Variants in NAGPA observed in about 807,000 individuals in gnomAD.
The protein encoded by NAGPA is alpha-N-acetylglucosaminyl phosphodiesterase.
NAGPA carries 56 observed loss-of-function variants against 48.5 expected under a neutral mutation model. The ratio of observed to expected loss-of-function variants is 1.15; its 90% CI spans 0.93 to 1.44. The LOEUF (loss-of-function observed/expected upper bound fraction) is 1.44. Among genes scored for constraint, NAGPA ranks in the 40% most tolerant of loss-of-function variants. NAGPA has a pLI of 0.00. For synonymous variants in NAGPA, 399 were observed against 315.5 expected (o/e 1.26, Z -2.81); for missense variants, 888 against 735.0 (o/e 1.21, Z -2.41).
At chr16:5,029,433 C>T (rs763784915) in intron 4 of NAGPA, 1 of 289,016 alleles carries the variant, frequency 3.5e-6, no homozygotes, top group Non-Finnish European at 6.8e-6. Context: ...TGGCGGCCAG[C>T]AGGGAAACCA....
At position 5,033,610 on chromosome 16, in the gene NAGPA, CGGGAGGCGG is replaced by C. The variant is rs765705653; in HGVS notation, c.196_204del (p.Pro66_Pro68del). 2 of 1,504,764 alleles carry C rather than the reference CGGGAGGCGG, an allele frequency of 1.3e-6. No homozygotes were observed. Among genetic ancestry groups the C allele is most frequent in the Admixed American group, 2.3e-5 (1 of 44,002 alleles). The allele number at this position is 1,504,764 out of a possible 1,614,324, so 93.2% of individuals were successfully genotyped here. ...GCCAGACCGCCGGCGCCGGGAGTCG[CGGGAGGCGG>C]AGGCCAACTCTCGTGCTCGCGGTTG... On this transcript the variant is annotated inframe_deletion, in exon 2 of 10. Coordinates refer to ENST00000312251, the MANE Select transcript of NAGPA (RefSeq NM_016256.4). This position sits in a 1 kb window ranked among gnomAD's most constrained non-coding sequence, Gnocchi z 4.2.
At position 5,028,125 on chromosome 16, in the gene NAGPA, G is replaced by T; in HGVS notation, c.981C>A (p.Pro327=). Residue 327 remains proline (P), a synonymous_variant, in exon 6 of 10, where the codon CCC becomes CCA. Transcript: ENST00000312251. ...CGTGGCAGTCAGGCGGCTGGCAGCGGGGTTCGTGCACACACACCACGGTGG... is the reference window on the plus strand; with the variant it reads ...CGTGGCAGTCAGGCGGCTGGCAGCGTGGTTCGTGCACACACACCACGGTGG... ...QVSTVVCVHE[P]RCQPPDCHGH... The T allele has an allele frequency of 6.2e-7, 1 of 1,602,940 alleles. No homozygotes were observed.
At chr16:5,027,955 C>T (rs559557768) in intron 6 of NAGPA, 25 bp downstream of exon 6, 47 of 1,613,746 alleles carry the variant, frequency 2.9e-5, no homozygotes, top group Middle Eastern at 1.7e-4. Context: ...CTGGGCAGAG[C>T]CCCCTCCCCA....
In NAGPA at chr16:5,025,650, A is replaced by G. The variant is rs375029008; in HGVS notation, c.1376T>C (p.Phe459Ser). The G allele has an allele frequency of 6.2e-6, 10 of 1,613,268 alleles. No homozygotes were observed. In the African/African-American group the frequency reaches 1.3e-4, roughly 22 times the overall value. ...TGCTGCAGTGCTGATCAGCAGGAGG[A>G]AGGCCAGCGCCAGGGTGAGGGCTAG... ...AWLALTLALAFLLLISTAANL... is the reference protein window; with the variant it reads ...AWLALTLALASLLLISTAANL... The change falls in exon 10 of 10, where the codon TTC (phenylalanine) becomes TCC (serine). Residue 459 changes from phenylalanine to serine, a missense_variant. Physicochemically the swap from Phe to Ser is radical, Grantham distance 155. Coordinates refer to ENST00000312251, the MANE Select transcript of NAGPA (RefSeq NM_016256.4).
chr16:5,028,038 G>A lies in NAGPA; in HGVS notation c.1068C>T (p.Gly356=). The change falls in exon 6 of 10, where the codon GGC becomes GGT. Residue 356 remains glycine (G), a synonymous_variant. Transcript: ENST00000312251. ...QCTGHFWRGP[G]CDELDCGPSN... is the part of the protein sequence containing the mutation. The stretch of plus-strand genomic sequence containing the variant: ...AGGGGCCACAGTCCAGCTCATCACA[G>A]CCGGGACCCCGCCAGAAGTGCCCGG... 6.2e-7 allele frequency: 1 copy of A among 1,610,426 alleles called. No homozygotes were observed. Among genetic ancestry groups the A allele is most frequent in the East Asian group, 2.2e-5 (1 of 44,566 alleles).
chr16:5,032,333 A>C (rs886790554), intron 2 of NAGPA, among the ~76,000 whole-genome samples: 3 of 152,088 alleles, frequency 2.0e-5, no homozygotes, highest in Admixed American at 2.0e-4. Context: ...AGACTCAAAT[A>C]ATTTTTAAGA....
At chr16:5,031,991 G>A (rs1956108332) in intron 2 of NAGPA, 107 bp from the exon 3 acceptor site, 3 of 1,501,284 alleles carry the variant, frequency 2.0e-6, no homozygotes, top group Non-Finnish European at 1.8e-6. Flanking sequence ...TCCCCCTCAT[G>A]CCCCAGGAAC....
Position 5,025,337 on chromosome 16 carries a change from G to A in NAGPA, c.*141C>T. 1 of 981,466 alleles carries A rather than the reference G, an allele frequency of 1.0e-6. No individual in the cohort carries two copies. Among genetic ancestry groups the A allele is most frequent in the Non-Finnish European group, 1.5e-6 (1 of 650,392 alleles). The allele number at this position is 981,466 out of a possible 1,614,324, so 60.8% of individuals were successfully genotyped here. On this transcript the variant is annotated 3_prime_UTR_variant, in exon 10 of 10. Coordinates refer to ENST00000312251, the MANE Select transcript of NAGPA (RefSeq NM_016256.4). Reference sequence around the variant, plus strand: ...GGCCAGGTGAGGGGCTGAGGCACAAGTGCTATCAGGAACTTGGCTGCCCCA... The same window carrying A: ...GGCCAGGTGAGGGGCTGAGGCACAAATGCTATCAGGAACTTGGCTGCCCCA...
In NAGPA at chr16:5,029,442, C is replaced by A. The variant is rs925233782; in HGVS notation, c.792-434G>T. 1.7e-5 allele frequency: 5 copies of A among 289,426 alleles called. No individual in the cohort carries two copies. In the East Asian group the frequency reaches 4.6e-4, roughly 27 times the overall value. The allele number at this position is 289,426 out of a possible 1,614,324, so 17.9% of individuals were successfully genotyped here. On this transcript the variant is annotated intron_variant, in intron 4 of 9. Coordinates refer to ENST00000312251, the MANE Select transcript of NAGPA (RefSeq NM_016256.4). ...CCCAGATGGCGGCCAGCAGGGAAAC[C>A]AAGACCTCAGTCACAACTGAGGAGG...
intron 9 of NAGPA, among the ~76,000 whole-genome samples, chr16:5,026,505 G>C (rs1428582729): frequency 6.6e-6 from 1 of 151,996 alleles, no homozygotes; most frequent in Non-Finnish European, 1.5e-5. Flanking sequence ...CTGCACTCCA[G>C]CCTAGGCAAC....
At chr16:5,032,663 A>G (rs1211943870) in intron 2 of NAGPA, among the ~76,000 whole-genome samples, 1 of 151,030 alleles carries the variant, frequency 6.6e-6, no homozygotes, top group Non-Finnish European at 1.5e-5. Flanking sequence ...TGGGCAACAG[A>G]GCAAGACTCT....
At chr16:5,028,800 G>A in intron 5 of NAGPA, 80 bp downstream of exon 5, 2 of 1,605,558 alleles carry the variant, frequency 1.2e-6, no homozygotes, top group East Asian at 4.5e-5. Flanking sequence ...CACATAGCAG[G>A]CACTCAATAT....
chr16:5,028,335 T>A, intron 5 of NAGPA, 150 bp from the exon 6 acceptor site: 1 of 1,445,662 alleles, frequency 6.9e-7, no homozygotes, highest in Non-Finnish European at 9.5e-7. Flanking sequence ...GATGAGGTAT[T>A]GCGATCCTTC....
intron 6 of NAGPA, 24 bp downstream of exon 6, chr16:5,027,956 C>T (rs768509892): frequency 1.2e-6 from 2 of 1,613,844 alleles, no homozygotes. Context: ...TGGGCAGAGC[C>T]CCCTCCCCAG....
intron 9 of NAGPA, 21 bp from the exon 10 acceptor site, chr16:5,025,706 C>G: frequency 6.3e-7 from 1 of 1,578,508 alleles, no homozygotes; most frequent in East Asian, 2.4e-5. Context: ...GAGAGAAGCC[C>G]CAAGTGGGGG....
At position 5,033,841 on chromosome 16, in the gene NAGPA, C is replaced by T; in HGVS notation, c.74G>A (p.Gly25Asp). 6.5e-7 allele frequency: 1 copy of T among 1,550,308 alleles called. No individual in the cohort carries two copies. The highest frequency in any genetic ancestry group is 1.2e-5 in the South Asian group (1 of 84,172). Residue 25 changes from glycine to aspartate, a missense_variant, in exon 1 of 10, where the codon GGC becomes GAC. By Grantham distance (94) the Gly-to-Asp change is moderately conservative. Transcript: ENST00000312251. This position sits in a 1 kb window ranked among gnomAD's most constrained non-coding sequence, Gnocchi z 4.2. Reference protein sequence around the residue: ...LFGFLWEASGGLDSGASRDDD... With the variant: ...LFGFLWEASGDLDSGASRDDD... ...GAGCTGCACTCACCCCGAGTCGAGGCCGCCGGACGCTTCCCAGAGGAAGCC... is the reference window on the plus strand; with the variant it reads ...GAGCTGCACTCACCCCGAGTCGAGGTCGCCGGACGCTTCCCAGAGGAAGCC...
chr16:5,025,770 G>A (rs547141014), intron 9 of NAGPA, 85 bp from the exon 10 acceptor site: 42 of 1,381,636 alleles, frequency 3.0e-5, no homozygotes, highest in East Asian at 2.8e-4. Flanking sequence ...CCCTCTACCC[G>A]GCATAGATAG....
chr16:5,028,297 C>T, intron 5 of NAGPA, 112 bp from the exon 6 acceptor site: 3 of 1,537,638 alleles, frequency 2.0e-6, no homozygotes, highest in Non-Finnish European at 2.6e-6. Context: ...ACCTACCTAC[C>T]TACAAGATGG....
Position 5,033,594 on chromosome 16 carries a change from C to T in NAGPA, c.221G>A (p.Gly74Asp), listed in dbSNP as rs1956146482. 2.7e-6 allele frequency: 4 copies of T among 1,487,270 alleles called. No individual in the cohort carries two copies. The highest frequency in any genetic ancestry group is 1.4e-5 in the African/African-American group (1 of 69,084). 92.1% of individuals were successfully genotyped at this position (1,487,270 alleles called of 1,614,324 possible). Residue 74 changes from glycine to aspartate, a missense_variant, in exon 2 of 10, where the codon GGC (glycine) becomes GAC (aspartate). Coordinates refer to ENST00000312251, the MANE Select transcript of NAGPA (RefSeq NM_016256.4). The surrounding 1 kb of genome is among the most constrained non-coding windows in gnomAD (Gnocchi z 4.2). ...WPPPPATPGA[G>D]GLAVRTFVSH... is the part of the protein sequence containing the mutation. ...CACGAAGGTGCGCACGGCCAGACCG[C>T]CGGCGCCGGGAGTCGCGGGAGGCGG...
Sources: allele counts gnomAD v4.1 joint callset (sites outside exome capture counted in the v4.1 genomes callset), GRCh38; gene constraint gnomAD v4.1.1; non-coding constraint Gnocchi (gnomAD v3.1); transcripts MANE v1.5; gene names NCBI Gene and HGNC (gene_info 2026-07-23, HGNC 2026-07-21).